USP11: variants seen among roughly 807,000 people sequenced by gnomAD.
USP11 encodes the protein ubiquitin carboxyl-terminal hydrolase 11.
In USP11, 5 loss-of-function variants were observed where a neutral mutation model predicts 72.8. The observed-to-expected ratio is 0.07, with a 90% CI of 0.04 to 0.14. USP11 has a LOEUF of 0.14. Ranked by LOEUF, USP11 falls within the 10% of genes least tolerant of loss-of-function variation. USP11 has a pLI of 1.00. For missense variants in USP11, 480 were observed against 794.7 expected, an observed-to-expected ratio of 0.60 and a Z score of 4.76; for synonymous variants, 368 against 326.5, an observed-to-expected ratio of 1.13 and a Z score of -1.37.
chrX:47,246,078 A>G lies in USP11; in HGVS notation c.2270+596A>G, dbSNP rs1256813328. On this transcript the variant is annotated intron_variant, in intron 17 of 20. Coordinates refer to ENST00000377107, the MANE Select transcript of USP11 (RefSeq NM_001371072.1). ...ACCTCCTCTGACTACCCTGTTAAAA[A>G]TCACCCTTCCCCACCATCCCTCTCC... Among the ~76,000 whole-genome samples the G allele has an allele frequency of 7.2e-5, 8 of 111,273 alleles. No homozygotes were observed. The Admixed American group carries it at 7.7e-4, about 11-fold the overall frequency.
intron 9 of USP11, among the ~76,000 whole-genome samples, 164 bp from the exon 10 acceptor site, chrX:47,241,918 C>T (rs1049505812): frequency 4.5e-5 from 5 of 111,969 alleles, no homozygotes; most frequent in African/African-American, 1.6e-4. Context: ...CCCTAAATGA[C>T]CCCCAGTCTT....
intron 1 of USP11, among the ~76,000 whole-genome samples, chrX:47,235,659 T>G (rs1018047059): frequency 2.6e-4 from 29 of 110,255 alleles, no homozygotes; most frequent in African/African-American, 9.2e-4. Context: ...TTGCTGTTCC[T>G]CAAACACATC....
intron 1 of USP11, chrX:47,233,679 G>T (rs2147347607): frequency 4.4e-6 from 2 of 453,488 alleles, no homozygotes; most frequent in African/African-American, 2.7e-5. Context: ...GGAGCCGAAC[G>T]GTCCGAGGGA....
Position 47,239,829 on chromosome X carries a change from C to T in USP11, c.457C>T (p.Pro153Ser), listed in dbSNP as rs1432927940. Residue 153 changes from proline to serine, a missense_variant, in exon 4 of 21, where the codon CCA (proline) becomes TCA (serine). This residue lies in a region of USP11 where 80 missense variants were observed against 100.9 expected (regional missense o/e 0.79). Coordinates refer to ENST00000377107, the MANE Select transcript of USP11 (RefSeq NM_001371072.1). ...CAACATCCAGAAGGTCGAAGTGTAC[C>T]CAGTAGAACTGCTGCTTGTCCGGCA... ...LPNIQKVEVY[P>S]VELLLVRHND... 3 of 1,209,999 alleles carry T rather than the reference C, an allele frequency of 2.5e-6. No homozygotes were observed. In the East Asian group the frequency reaches 8.9e-5, roughly 36 times the overall value.
At position 47,244,553 on chromosome X, in the gene USP11, G is replaced by C; in HGVS notation, c.1843+3G>C. 1 of 1,211,357 alleles carries C rather than the reference G, an allele frequency of 8.3e-7. No homozygotes were observed. The highest frequency in any genetic ancestry group is 1.1e-6 in the Non-Finnish European group (1 of 895,325). On this transcript the variant is annotated splice_donor_region_variant and intron_variant, in intron 14 of 20. Transcript: ENST00000377107. ...TGAGGACGATGGGGATGAGAAAGGT[G>C]AGGGGGCTAACAGTCAGTGGGCGGG...
intron 1 of USP11, among the ~76,000 whole-genome samples, chrX:47,236,146 T>C (rs964492496): frequency 1.8e-5 from 2 of 112,460 alleles, no homozygotes; most frequent in East Asian, 2.8e-4. Context: ...GTTAATGTTA[T>C]GTTATGTGAA....
intron 1 of USP11, chrX:47,233,543 G>C: frequency 2.2e-6 from 2 of 902,233 alleles, no homozygotes; most frequent in Non-Finnish European, 1.4e-6. Flanking sequence ...GGTGGGTTCT[G>C]CTACATAAGG....
chrX:47,233,279 T>G (rs1190478771), intron 1 of USP11, 60 bp downstream of exon 1: 17 of 734,765 alleles, frequency 2.3e-5, no homozygotes, highest in South Asian at 1.6e-4. Context: ...TGACAACCGC[T>G]GGGGATTCGG....
Position 47,241,636 on chromosome X carries a change from C to T in USP11, c.1116C>T (p.Asp372=), listed in dbSNP as rs762080172. The change falls in exon 9 of 21, where the codon GAC becomes GAT. Residue 372 remains aspartate, a synonymous_variant. Coordinates refer to ENST00000377107, the MANE Select transcript of USP11 (RefSeq NM_001371072.1). ...LSFLLDGLHE[D]LNRVKKKEYV... Reference sequence around the variant, plus strand: ...TCCTCCTGGACGGGCTGCATGAGGACCTTAATCGGGTGAAGAAGAAGGAGT... The same window carrying T: ...TCCTCCTGGACGGGCTGCATGAGGATCTTAATCGGGTGAAGAAGAAGGAGT... 7 of 1,209,060 alleles carry T rather than the reference C, an allele frequency of 5.8e-6. No homozygotes were observed. Among genetic ancestry groups the T allele is most frequent in the Middle Eastern group, 2.3e-4 (1 of 4,365 alleles).
chrX:47,247,349 G>A lies in USP11; in HGVS notation c.2466G>A (p.Ser822=), dbSNP rs1216729899. The A allele has an allele frequency of 3.2e-5, 39 of 1,209,291 alleles. No homozygotes were observed. The East Asian group carries it at 3.6e-4, about 11-fold the overall frequency. ...SEFVIQPQNE[S]NPELYKYDLI... ...TTGTCATCCAGCCACAGAATGAGTCGAATCCGGAGCTGTACAAATATGACC... is the reference window on the plus strand; with the variant it reads ...TTGTCATCCAGCCACAGAATGAGTCAAATCCGGAGCTGTACAAATATGACC... Residue 822 remains serine, a synonymous_variant, in exon 19 of 21, where the codon TCG becomes TCA. Coordinates refer to ENST00000377107, the MANE Select transcript of USP11 (RefSeq NM_001371072.1).
Position 47,241,704 on chromosome X carries a change from G to A in USP11, c.1179+5G>A. 8.5e-7 allele frequency: 1 copy of A among 1,179,827 alleles called. No homozygotes were observed. The highest frequency in any genetic ancestry group is 1.1e-6 in the Non-Finnish European group (1 of 881,074). On this transcript the variant is annotated splice_donor_5th_base_variant and intron_variant, in intron 9 of 20. Coordinates refer to ENST00000377107, the MANE Select transcript of USP11 (RefSeq NM_001371072.1). ...GCTGCTGGGCGACCGGATCAGGTAGGCTGCCCCCGCATTTGCAGTCCAATT... is the reference window on the plus strand; with the variant it reads ...GCTGCTGGGCGACCGGATCAGGTAGACTGCCCCCGCATTTGCAGTCCAATT...
At chrX:47,246,631 A>G (rs1284255076) in intron 17 of USP11, among the ~76,000 whole-genome samples, 1 of 111,155 alleles carries the variant, frequency 9.0e-6, no homozygotes, top group Non-Finnish European at 1.9e-5. Flanking sequence ...AGAGCAAACT[A>G]GAATACTAGA....
rs201389587 is a variant in USP11 at position 47,241,693 on chromosome X, G to A, written c.1173G>A (p.Pro391=). 2.4e-5 allele frequency: 28 copies of A among 1,184,462 alleles called. No homozygotes were observed. Among genetic ancestry groups the A allele is most frequent in the Non-Finnish European group, 3.1e-5 (27 of 884,520 alleles). ...AGCTGTGCGATGCTGCTGGGCGACC[G>A]GATCAGGTAGGCTGCCCCCGCATTT... ...YVELCDAAGR[P]DQEVAQEAWQ... Residue 391 remains proline (P), a synonymous_variant, in exon 9 of 21, where the codon CCG becomes CCA. Transcript: ENST00000377107.
In USP11 at chrX:47,243,586, C is replaced by T. The variant is rs1186127035; in HGVS notation, c.1774C>T (p.Leu592=). ...RFTWEGLYNV[L]MYRLSRYVTK... is the part of the protein sequence containing the mutation. ...CACCTGGGAGGGCCTGTATAACGTC[C>T]TGATGTACCGGCTCTCGTAAGTGTC... The change falls in exon 13 of 21, where the codon CTG becomes TTG. Residue 592 remains leucine, a synonymous_variant. Coordinates refer to ENST00000377107, the MANE Select transcript of USP11 (RefSeq NM_001371072.1). 3 of 1,209,981 alleles carry T rather than the reference C, an allele frequency of 2.5e-6. No individual in the cohort carries two copies. Among genetic ancestry groups the T allele is most frequent in the Non-Finnish European group, 3.4e-6 (3 of 895,149 alleles).
At chrX:47,242,864 G>A in intron 12 of USP11, 144 bp downstream of exon 12, 3 of 485,507 alleles carry the variant, frequency 6.2e-6, no homozygotes, top group South Asian at 3.2e-5. Context: ...TCAGCCACAT[G>A]CCTTGGGAGG....
In USP11 at chrX:47,248,209, C is replaced by T; in HGVS notation, c.*279C>T. On this transcript the variant is annotated 3_prime_UTR_variant, in exon 21 of 21. Coordinates refer to ENST00000377107, the MANE Select transcript of USP11 (RefSeq NM_001371072.1). ...TGGTCGTGCCCTTCCCTCTCCTCAG[C>T]CCAGAGTGTTCTGCGTGGGTGGTGA... 1 of 341,748 alleles carries T rather than the reference C, an allele frequency of 2.9e-6. No individual in the cohort carries two copies. The highest frequency in any genetic ancestry group is 5.0e-6 in the Non-Finnish European group (1 of 199,757). The allele number at this position is 341,748 out of a possible 1,213,427, so 28.2% of individuals were successfully genotyped here. A position where few individuals can be genotyped will look rare whatever the true frequency, so the allele number is the denominator to read the frequency against.
At chrX:47,244,453 A>G in intron 13 of USP11, 45 bp from the exon 14 acceptor site, 1 of 1,198,239 alleles carries the variant, frequency 8.3e-7, no homozygotes, top group Non-Finnish European at 1.1e-6. Flanking sequence ...CTCTATCCCC[A>G]CTGTCCTTGT....
rs780858631 is a variant in USP11 at position 47,241,462 on chromosome X, C to T, written c.1020+12C>T. The T allele has an allele frequency of 6.7e-6, 8 of 1,195,360 alleles. No individual in the cohort carries two copies. Among genetic ancestry groups the T allele is most frequent in the Non-Finnish European group, 7.9e-6 (7 of 886,627 alleles). On this transcript the variant is annotated intron_variant, in intron 8 of 20. Transcript: ENST00000377107. The stretch of plus-strand genomic sequence containing the variant: ...CACATGTGTTCAAGGTGTGACTCAA[C>T]CCTGGGCACCCCCGACCCCCTACGT...
Position 47,244,676 on chromosome X carries a change from T to A in USP11, c.1844-6T>A, listed in dbSNP as rs2055422505. The A allele has an allele frequency of 5.0e-6, 6 of 1,207,430 alleles. No individual in the cohort carries two copies. In the South Asian group the frequency reaches 8.9e-5, roughly 18 times the overall value. The stretch of plus-strand genomic sequence containing the variant: ...CCTTCCCATCTCTGACATCCTCCTG[T>A]CCTAGAAGATGACGAGGAGGATAAA... On this transcript the variant is annotated splice_polypyrimidine_tract_variant and splice_region_variant and intron_variant, in intron 14 of 20. Transcript: ENST00000377107.
Sources: gnomAD v4.1 joint callset for allele counts (sites outside exome capture counted in the v4.1 genomes callset) on GRCh38, gnomAD v4.1.1 for gene constraint, gnomAD v4.1.1 regional missense constraint, MANE v1.5 for transcripts, NCBI Gene and HGNC (gene_info 2026-07-23, HGNC 2026-07-21) for gene names.